The following PGAM5 variants were observed in gnomAD, a reference collection of about 807,000 sequenced individuals.
The protein encoded by PGAM5 is serine/threonine-protein phosphatase PGAM5, mitochondrial.
A neutral mutation model predicts 30.6 loss-of-function variants in PGAM5; 25 were observed. The observed-to-expected ratio is 0.82, with a 90% CI of 0.60 to 1.14. The LOEUF is 1.14. Among genes scored for constraint, PGAM5 ranks in the 50% most tolerant of loss-of-function variants. The pLI, the probability that PGAM5 is intolerant of heterozygous loss-of-function variation, is 0.00. For missense variants in PGAM5, 384 were observed against 408.5 expected, an observed-to-expected ratio of 0.94 and a Z score of 0.52; for synonymous variants, 201 against 179.1, an observed-to-expected ratio of 1.12 and a Z score of -0.98.
At position 132,717,533 on chromosome 12, in the gene PGAM5, G is replaced by A. The variant is rs2043592989; in HGVS notation, c.465G>A (p.Glu155=). The A allele has an allele frequency of 6.2e-7, 1 of 1,610,888 alleles. No individual in the cohort carries two copies. The highest frequency in any genetic ancestry group is 8.5e-7 in the Non-Finnish European group (1 of 1,179,918). ...ATTCGTCTATGACGCGCGCCATAGAGACCACCGATATCATCAGCCGGCACC... is the reference window on the plus strand; with the variant it reads ...ATTCGTCTATGACGCGCGCCATAGAAACCACCGATATCATCAGCCGGCACC... ...IVHSSMTRAI[E]TTDIISRHLP... is the part of the protein sequence containing the mutation. Residue 155 remains glutamate, a synonymous_variant, in exon 3 of 6, where the codon GAG becomes GAA. Coordinates refer to ENST00000498926, the MANE Select transcript of PGAM5 (RefSeq NM_001170543.2).
At chr12:132,717,926 C>T in intron 4 of PGAM5, 61 bp from the exon 5 acceptor site, 1 of 1,606,638 alleles carries the variant, frequency 6.2e-7, no homozygotes, top group East Asian at 2.2e-5. Context: ...TGGGGTCTGT[C>T]CTCCTGACAC....
intron 5 of PGAM5, among the ~76,000 whole-genome samples, chr12:132,719,610 A>T (rs1283429469): frequency 2.0e-5 from 3 of 152,270 alleles, no homozygotes; most frequent in African/African-American, 4.8e-5. Context: ...CCGAGGTGAC[A>T]CAAATGCTAA....
Position 132,720,771 on chromosome 12 carries a change from G to A in PGAM5, c.813G>A (p.Ala271=), listed in dbSNP as rs754856696. The A allele has an allele frequency of 1.2e-5, 19 of 1,536,286 alleles. No individual in the cohort carries two copies. Among genetic ancestry groups the A allele is most frequent in the South Asian group, 5.9e-5 (5 of 84,056 alleles). The change falls in exon 6 of 6, where the codon GCG becomes GCA. Residue 271 remains alanine, a synonymous_variant. Transcript: ENST00000498926. The part of the protein sequence containing the change: ...HLVIRPNGRV[A]LRTLGDTGFM... ...TGATCCGACCCAACGGCCGAGTTGC[G>A]CTCAGGACCCTCGGGGACACGGGGT...
At chr12:132,717,293 T>C (rs1286681473) in intron 2 of PGAM5, 146 bp from the exon 3 acceptor site, 3 of 848,078 alleles carry the variant, frequency 3.5e-6, no homozygotes, top group African/African-American at 3.8e-5. Context: ...TCAGGGGTCG[T>C]GTTTGCGGGC....
At position 132,718,041 on chromosome 12, in the gene PGAM5, C is replaced by T. The variant is rs905382832; in HGVS notation, c.640C>T (p.Arg214Cys). Reference sequence around the variant, plus strand: ...GGCCGCCTTCCGGAACTACATCCACCGCGCAGATGCCAGGCAGGAGGAGGA... The same window carrying T: ...GGCCGCCTTCCGGAACTACATCCACTGCGCAGATGCCAGGCAGGAGGAGGA... ...IEAAFRNYIH[R>C]ADARQEEDSY... Residue 214 changes from arginine to cysteine, a missense_variant, in exon 5 of 6, where the codon CGC becomes TGC. Transcript: ENST00000498926. 1.5e-5 allele frequency: 24 copies of T among 1,612,874 alleles called. No homozygotes were observed. The highest frequency in any genetic ancestry group is 1.9e-5 in the Non-Finnish European group (23 of 1,179,990).
At chr12:132,714,724 G>A in intron 1 of PGAM5, 134 bp from the exon 2 acceptor site, 1 of 963,176 alleles carries the variant, frequency 1.0e-6, no homozygotes, top group Admixed American at 2.4e-5. Flanking sequence ...GGCCTCCCCA[G>A]GGCTGTGCCA....
Position 132,717,576 on chromosome 12 carries a change from G to C in PGAM5, c.496+12G>C. On this transcript the variant is annotated intron_variant, in intron 3 of 5. Transcript: ENST00000498926. ...CCGGCACCTGCCAGGTGAGTGCTGC[G>C]CGCGGGGCCTCCATGCTTGCAGCAG... 6.2e-7 allele frequency: 1 copy of C among 1,609,750 alleles called. No individual in the cohort carries two copies. The highest frequency in any genetic ancestry group is 8.5e-7 in the Non-Finnish European group (1 of 1,179,290).
At chr12:132,718,781 G>A (rs199944394) in intron 5 of PGAM5, 24 of 1,613,426 alleles carry the variant, frequency 1.5e-5, no homozygotes, top group South Asian at 3.3e-5. Context: ...GCTGTTGTCC[G>A]CTGGGGATTT....
chr12:132,714,081 G>A (rs190416908), intron 1 of PGAM5, among the ~76,000 whole-genome samples: 7 of 152,098 alleles, frequency 4.6e-5, no homozygotes, highest in Non-Finnish European at 8.8e-5. Context: ...GCAGTGGCAC[G>A]ATCTCGGCTC....
intron 1 of PGAM5, among the ~76,000 whole-genome samples, chr12:132,712,760 A>G (rs1403256902): frequency 1.3e-5 from 2 of 151,998 alleles, no homozygotes; most frequent in East Asian, 3.9e-4. Flanking sequence ...CCAGCCTGTT[A>G]TATTCTTTTT....
intron 5 of PGAM5, chr12:132,718,713 C>T (rs763684832): frequency 6.2e-7 from 1 of 1,602,448 alleles, no homozygotes; most frequent in South Asian, 1.1e-5. Flanking sequence ...CCTGTTTCCC[C>T]TCAAACTCGA....
At chr12:132,712,906 C>T (rs1170658496) in intron 1 of PGAM5, among the ~76,000 whole-genome samples, 4 of 151,876 alleles carry the variant, frequency 2.6e-5, no homozygotes. Flanking sequence ...ACCTGTAATC[C>T]CAGCATTTTG....
In PGAM5 at chr12:132,720,669, T is replaced by TCC. The variant is rs764777718; in HGVS notation, c.720-8_720-7insCC. The TCC allele has an allele frequency of 1.3e-6, 2 of 1,533,566 alleles. No individual in the cohort carries two copies. The highest frequency in any genetic ancestry group is 2.7e-5 in the African/African-American group (2 of 73,028). 95.0% of individuals were successfully genotyped at this position (1,533,566 alleles called of 1,614,324 possible). ...AACGTGCTCTTTCTCTCTCTCTCTC[T>TCC]CTCCCCAGAGCACTGCAGTTTCCTC... On this transcript the variant is annotated splice_polypyrimidine_tract_variant and intron_variant, in intron 5 of 5. Transcript: ENST00000498926.
intron 1 of PGAM5, 65 bp from the exon 2 acceptor site, chr12:132,714,793 C>T: frequency 1.3e-6 from 2 of 1,548,900 alleles, no homozygotes; most frequent in South Asian, 2.3e-5. Flanking sequence ...GAAATAACAT[C>T]TTGTCAGAAA....
intron 2 of PGAM5, among the ~76,000 whole-genome samples, chr12:132,715,997 T>C (rs2043573913): frequency 1.3e-5 from 2 of 152,174 alleles, no homozygotes; most frequent in African/African-American, 4.8e-5. Context: ...GAAAGCGGCG[T>C]GGCTTGTGCC....
rs2043591661 is a variant in PGAM5 at position 132,717,452 on chromosome 12, T to C, written c.384T>C (p.Ala128=). 6.2e-7 allele frequency: 1 copy of C among 1,607,424 alleles called. No homozygotes were observed. The highest frequency in any genetic ancestry group is 1.3e-5 in the African/African-American group (1 of 74,620). The change falls in exon 3 of 6, where the codon GCT becomes GCC. Residue 128 remains alanine, a synonymous_variant. Coordinates refer to ENST00000498926, the MANE Select transcript of PGAM5 (RefSeq NM_001170543.2). ...TTCACCTTCCAGGTCGGGAGCAGGCTGAACTCACTGGGCTCCGCCTGGCAA... is the reference window on the plus strand; with the variant it reads ...TTCACCTTCCAGGTCGGGAGCAGGCCGAACTCACTGGGCTCCGCCTGGCAA... ...RTLTPLGREQ[A]ELTGLRLASL...
At chr12:132,720,098 T>TGTCGATCCCAGTCTCGATTCAC (rs2043627668) in intron 5 of PGAM5, among the ~76,000 whole-genome samples, 1 of 148,804 alleles carries the variant, frequency 6.7e-6, no homozygotes, top group African/African-American at 2.5e-5. Flanking sequence ...GCTCCATTCA[T>TGTCGATCCCAGTCTCGATTCAC]GTCGATCCCA....
At position 132,710,964 on chromosome 12, in the gene PGAM5, A is replaced by AAGCCGCGCGCAGGCGGGGACGCGG; in HGVS notation, c.93_116dup (p.Ala33_Arg40dup). ...GCTCTTCTCGGCCGTGGCGGTAGGG[A>AAGCCGCGCGCAGGCGGGGACGCGG]AGCCGCGCGCAGGCGGGGACGCGGA... On this transcript the variant is annotated inframe_insertion, in exon 1 of 6. Transcript: ENST00000498926. 8.4e-7 allele frequency: 1 copy of AAGCCGCGCGCAGGCGGGGACGCGG among 1,187,406 alleles called. No homozygotes were observed. The highest frequency in any genetic ancestry group is 1.0e-6 in the Non-Finnish European group (1 of 960,132). 73.6% of individuals were successfully genotyped at this position (1,187,406 alleles called of 1,614,324 possible). A position where few individuals can be genotyped will look rare whatever the true frequency, so the allele number is the denominator to read the frequency against.
intron 5 of PGAM5, among the ~76,000 whole-genome samples, chr12:132,718,368 G>A (rs2136085952): frequency 7.8e-6 from 1 of 128,292 alleles, no homozygotes; most frequent in Non-Finnish European, 1.6e-5. Flanking sequence ...TGGTGTCCTG[G>A]GTGGGGTGCG....
Sources: allele counts gnomAD v4.1 joint callset (sites outside exome capture counted in the v4.1 genomes callset), GRCh38; gene constraint gnomAD v4.1.1; transcripts MANE v1.5; gene names NCBI Gene and HGNC (gene_info 2026-07-23, HGNC 2026-07-21).